The following PHYH variants were observed in gnomAD, a reference collection of about 807,000 sequenced individuals.
PHYH encodes phytanoyl-CoA dioxygenase, peroxisomal.
A neutral mutation model predicts 38.5 loss-of-function variants in PHYH; 32 were observed. That is an observed-to-expected ratio of 0.83 (90% CI 0.63 to 1.12). PHYH has a LOEUF of 1.12. Among genes scored for constraint, PHYH ranks in the 50% most tolerant of loss-of-function variants. PHYH has a pLI of 0.00. For missense variants in PHYH, 426 were observed against 434.8 expected, an observed-to-expected ratio of 0.98 and a Z score of 0.18; for synonymous variants, 166 against 157.9, an observed-to-expected ratio of 1.05 and a Z score of -0.38.
At chr10:13,288,729 A>C (rs1199783341) in intron 5 of PHYH, among the ~76,000 whole-genome samples, 188 bp from the exon 6 acceptor site, 3 of 151,968 alleles carry the variant, frequency 2.0e-5, no homozygotes, top group East Asian at 1.9e-4. Flanking sequence ...CAGAAAACAA[A>C]ACAACAAAAC....
At chr10:13,281,805 A>T (rs1249114302) in intron 7 of PHYH, among the ~76,000 whole-genome samples, 2 of 152,224 alleles carry the variant, frequency 1.3e-5, no homozygotes, top group African/African-American at 4.8e-5. Flanking sequence ...CCCAAACAAC[A>T]AATTTCTAGG....
At chr10:13,289,836 G>A (rs1835658469) in intron 5 of PHYH, among the ~76,000 whole-genome samples, 2 of 151,408 alleles carry the variant, frequency 1.3e-5, no homozygotes, top group African/African-American at 4.9e-5. Context: ...AAGGCTGAGG[G>A]CTGAGGCAGG....
chr10:13,284,383 G>A (rs761934866), intron 6 of PHYH, among the ~76,000 whole-genome samples: 1 of 152,012 alleles, frequency 6.6e-6, no homozygotes, highest in Non-Finnish European at 1.5e-5. Flanking sequence ...CTGATTTTTT[G>A]GAGGAAATGA....
At position 13,284,613 on chromosome 10, in the gene PHYH, A is replaced by T. The variant is rs537402378; in HGVS notation, c.679-774T>A. Among the ~76,000 whole-genome samples the T allele has an allele frequency of 5.9e-5, 9 of 152,316 alleles. No individual in the cohort carries two copies. The South Asian group carries it at 1.9e-3, about 32-fold the overall frequency. On this transcript the variant is annotated intron_variant, in intron 6 of 8. Transcript: ENST00000263038. ...CTCTGAGAAGCTATTTCCCCAAAAT[A>T]GGGGGGAGAAAATGCTCAATTTTTC... is the stretch of plus-strand genomic sequence containing the variant.
At chr10:13,280,842 G>T in intron 8 of PHYH, 134 bp downstream of exon 8, 2 of 840,828 alleles carry the variant, frequency 2.4e-6, no homozygotes, top group Non-Finnish European at 2.0e-6. Context: ...TTTGGTGGGG[G>T]CTCAGCGATG....
Position 13,288,389 on chromosome 10 carries a change from G to A in PHYH, c.649C>T (p.Leu217=), listed in dbSNP as rs200627042. Residue 217 remains leucine (L), a synonymous_variant, in exon 6 of 9, where the codon CTG becomes TTG. Coordinates refer to ENST00000263038, the MANE Select transcript of PHYH (RefSeq NM_006214.4). ...VVLPGTHKGS[L]KPHDYPKWEG... is the part of the protein sequence containing the mutation. ...CACTTGGGGTAATCGTGGGGCTTCA[G>A]GGAGCCCTTGTGTGTGCCTGGGAGC... is the stretch of plus-strand genomic sequence containing the variant. 3 of 1,614,068 alleles carry A rather than the reference G, an allele frequency of 1.9e-6. No individual in the cohort carries two copies. The highest frequency in any genetic ancestry group is 2.5e-6 in the Non-Finnish European group (3 of 1,180,034).
chr10:13,292,249 T>C (rs567914174), intron 4 of PHYH, among the ~76,000 whole-genome samples: 2 of 152,342 alleles, frequency 1.3e-5, no homozygotes, highest in South Asian at 2.1e-4. Context: ...CAGTTTCCTC[T>C]TCCTCATTGG....
intron 4 of PHYH, among the ~76,000 whole-genome samples, chr10:13,293,878 A>G (rs1835772106): frequency 6.6e-6 from 1 of 152,122 alleles, no homozygotes. Context: ...ATCATGGCAT[A>G]GACCACCAGA....
chr10:13,285,127 A>T (rs956380675), intron 6 of PHYH, among the ~76,000 whole-genome samples: 2 of 152,122 alleles, frequency 1.3e-5, no homozygotes, highest in Non-Finnish European at 2.9e-5. Context: ...CCAGACACTC[A>T]CATATTTTCA....
intron 7 of PHYH, among the ~76,000 whole-genome samples, chr10:13,283,210 A>G (rs1373032577): frequency 7.2e-6 from 1 of 138,134 alleles, no homozygotes; most frequent in African/African-American, 2.8e-5. Context: ...CTCACTGCAG[A>G]CTCCACCCCC....
Position 13,280,967 on chromosome 10 carries a change from C to T in PHYH, c.963+9G>A, listed in dbSNP as rs781124179. On this transcript the variant is annotated intron_variant, in intron 8 of 8. Transcript: ENST00000263038. ...GAGATTTTTACCTTGCTATTGTATA[C>T]AAACATACCTTCAAGTTCACGCTAT... The T allele has an allele frequency of 6.2e-7, 1 of 1,613,356 alleles. No homozygotes were observed. Among genetic ancestry groups the T allele is most frequent in the South Asian group, 1.1e-5 (1 of 91,060 alleles).
At chr10:13,286,868 A>G (rs188912141) in intron 6 of PHYH, among the ~76,000 whole-genome samples, 1 of 152,302 alleles carries the variant, frequency 6.6e-6, no homozygotes, top group East Asian at 1.9e-4. Context: ...GCAGTAACAG[A>G]AAGCAGCTCA....
chr10:13,283,414 C>T (rs1192695788), intron 7 of PHYH, among the ~76,000 whole-genome samples: 2 of 152,080 alleles, frequency 1.3e-5, no homozygotes, highest in African/African-American at 4.8e-5. Context: ...TAGGCATGAG[C>T]CACCGCGCCC....
At chr10:13,280,394 G>A (rs550698577) in intron 8 of PHYH, among the ~76,000 whole-genome samples, 113 of 152,142 alleles carry the variant, frequency 7.4e-4, no homozygotes, top group Non-Finnish European at 1.4e-3. Context: ...AGGCTGGAGT[G>A]CAGTAGTGCA....
At chr10:13,283,138 T>TTC (rs1465165398) in intron 7 of PHYH, among the ~76,000 whole-genome samples, 2 of 145,388 alleles carry the variant, frequency 1.4e-5, no homozygotes, top group Non-Finnish European at 3.0e-5. Context: ...TCAATTTTTT[T>TTC]TTTTTTTTTT....
chr10:13,297,949 A>G (rs1832610803), intron 2 of PHYH, among the ~76,000 whole-genome samples: 1 of 151,666 alleles, frequency 6.6e-6, no homozygotes, highest in African/African-American at 2.4e-5. Context: ...AAATAAATAA[A>G]TGTCGGATTA....
rs1427144904 is a variant in PHYH, at chr10:13,295,610, A to C, written c.135-4T>G. On this transcript the variant is annotated splice_polypyrimidine_tract_variant and splice_region_variant and intron_variant, in intron 2 of 8. Coordinates refer to ENST00000263038, the MANE Select transcript of PHYH (RefSeq NM_006214.4). ...AACGTTATTATCCAGAGTATACCTA[A>C]AGGAGAAAAAGAATCCCAAAATAAG... 9.3e-7 allele frequency: 1 copy of C among 1,078,680 alleles called. No individual in the cohort carries two copies. Among genetic ancestry groups the C allele is most frequent in the South Asian group, 1.2e-5 (1 of 80,252 alleles). The allele number at this position is 1,078,680 out of a possible 1,614,324, so 66.8% of individuals were successfully genotyped here. A position where few individuals can be genotyped will look rare whatever the true frequency, so the allele number is the denominator to read the frequency against.
chr10:13,287,157 A>G (rs554607583), intron 6 of PHYH, among the ~76,000 whole-genome samples: 14 of 152,146 alleles, frequency 9.2e-5, no homozygotes, highest in Non-Finnish European at 1.8e-4. Flanking sequence ...TGGCCAACAT[A>G]GTGAAATCCC....
At chr10:13,291,104 C>CAAAAAAAAAAAAA (rs367712215) in intron 5 of PHYH, among the ~76,000 whole-genome samples, 2 of 76,368 alleles carry the variant, frequency 2.6e-5, no homozygotes, top group African/African-American at 5.3e-5. Context: ...AACTCCATCT[C>CAAAAAAAAAAAAA]AAAAAAAAAA....
Sources: gnomAD v4.1 joint callset for allele counts (sites outside exome capture counted in the v4.1 genomes callset) on GRCh38, gnomAD v4.1.1 for gene constraint, MANE v1.5 for transcripts, NCBI Gene and HGNC (gene_info 2026-07-23, HGNC 2026-07-21) for gene names.